TBL1X: variants seen among roughly 807,000 people sequenced by gnomAD.
TBL1X encodes transducin beta like 1 X-linked, also known as F-box-like/WD repeat-containing protein TBL1X.
Under a neutral mutation model 50.7 loss-of-function variants are expected in TBL1X, and 10 were observed. The observed-to-expected ratio is 0.20, with a 90% CI of 0.12 to 0.33. TBL1X has a LOEUF of 0.33. Ranked by LOEUF, TBL1X falls within the 10% of genes least tolerant of loss-of-function variation. The pLI is 1.00. For synonymous variants in TBL1X, 190 were observed against 214.7 expected (o/e 0.88, Z 1.01); for missense variants, 340 against 504.4 (o/e 0.67, Z 3.12).
At chrX:9,708,156 C>T (rs769431763) in intron 13 of TBL1X, among the ~76,000 whole-genome samples, 1 of 111,686 alleles carries the variant, frequency 9.0e-6, no homozygotes, top group East Asian at 2.8e-4. Flanking sequence ...GTAGGCTGTT[C>T]CCCAGCTGAA....
chrX:9,572,822 T>G (rs1028633548), intron 2 of TBL1X, among the ~76,000 whole-genome samples: 1 of 112,685 alleles, frequency 8.9e-6, no homozygotes, highest in African/African-American at 3.2e-5. Flanking sequence ...AGCAGGATAT[T>G]CATTTGCTAG....
At chrX:9,512,100 C>T (rs2082058876) in intron 2 of TBL1X, among the ~76,000 whole-genome samples, 1 of 111,308 alleles carries the variant, frequency 9.0e-6, no homozygotes, top group Non-Finnish European at 1.9e-5. Context: ...CTCAAGTGAT[C>T]CTCCTGCCTC....
At chrX:9,680,270 C>A (rs1414487453) in intron 5 of TBL1X, among the ~76,000 whole-genome samples, 2 of 112,026 alleles carry the variant, frequency 1.8e-5, no homozygotes, top group Non-Finnish European at 1.9e-5. Flanking sequence ...CTTCCTGTCC[C>A]AGAATGAATA....
chrX:9,680,484 C>T (rs756145728), intron 5 of TBL1X, among the ~76,000 whole-genome samples: 3 of 110,933 alleles, frequency 2.7e-5, no homozygotes, highest in Non-Finnish European at 5.7e-5. Flanking sequence ...AAATGCAGGC[C>T]CAGCCAAATG....
chrX:9,577,230 C>T (rs2082417300), intron 2 of TBL1X, among the ~76,000 whole-genome samples: 1 of 111,622 alleles, frequency 9.0e-6, no homozygotes, highest in South Asian at 3.8e-4. Context: ...CCACATTCGG[C>T]TCTTGGGCAC....
rs761903444 is a variant in TBL1X at position 9,711,780 on chromosome X, A to G, written c.1605+4A>G. The G allele has an allele frequency of 1.9e-5, 22 of 1,188,894 alleles. No individual in the cohort carries two copies. In the South Asian group the frequency reaches 4.1e-4, roughly 22 times the overall value. ...CGTCCATATCTGGAATACTCAGGTA[A>G]GCTCCCGACCCCTACACCAAATCCT... On this transcript the variant is annotated splice_donor_region_variant and intron_variant, in intron 16 of 17. Transcript: ENST00000645353.
chrX:9,491,007 C>G (rs1220181836), intron 1 of TBL1X, among the ~76,000 whole-genome samples: 1 of 108,767 alleles, frequency 9.2e-6, no homozygotes, highest in Non-Finnish European at 1.9e-5. Flanking sequence ...GAGAGGGGAT[C>G]TCACTCTATC....
chrX:9,675,543 A>G (rs1315924021), intron 5 of TBL1X, among the ~76,000 whole-genome samples: 1 of 111,771 alleles, frequency 8.9e-6, no homozygotes, highest in Non-Finnish European at 1.9e-5. Flanking sequence ...TAGGTAAAAG[A>G]GAACAGGGAT....
At chrX:9,473,934 T>C (rs1365911163) in intron 1 of TBL1X, among the ~76,000 whole-genome samples, 2 of 112,639 alleles carry the variant, frequency 1.8e-5, no homozygotes, top group Non-Finnish European at 3.7e-5. Flanking sequence ...TTGTTGATAT[T>C]ACATGTCACG....
intron 12 of TBL1X, among the ~76,000 whole-genome samples, chrX:9,698,958 T>C (rs898954931): frequency 9.0e-6 from 1 of 111,720 alleles, no homozygotes; most frequent in African/African-American, 3.3e-5. Flanking sequence ...TCCCACCTGA[T>C]TCTTCGTGGG....
intron 6 of TBL1X, among the ~76,000 whole-genome samples, chrX:9,687,192 T>TC (rs1396750051): frequency 9.0e-6 from 1 of 110,978 alleles, no homozygotes; most frequent in African/African-American, 3.3e-5. Context: ...TGGAAAGTTT[T>TC]CCATGGTAAA....
At chrX:9,503,283 C>T (rs1167574770) in intron 2 of TBL1X, among the ~76,000 whole-genome samples, 1 of 112,776 alleles carries the variant, frequency 8.9e-6, no homozygotes, top group Non-Finnish European at 1.9e-5. Flanking sequence ...AACTGCTTTT[C>T]CACAGAACTG....
intron 2 of TBL1X, among the ~76,000 whole-genome samples, chrX:9,611,551 A>G (rs982630114): frequency 8.9e-6 from 1 of 112,352 alleles, no homozygotes; most frequent in Non-Finnish European, 1.9e-5. Context: ...CAATGCTTGT[A>G]AGGGGCAGGA....
At chrX:9,703,705 G>C (rs2083189447) in intron 12 of TBL1X, among the ~76,000 whole-genome samples, 1 of 112,170 alleles carries the variant, frequency 8.9e-6, no homozygotes, top group African/African-American at 3.2e-5. Context: ...CCCTGTCCCG[G>C]GCACTGCTGA....
intron 2 of TBL1X, among the ~76,000 whole-genome samples, chrX:9,623,397 A>G (rs1326198879): frequency 9.0e-6 from 1 of 111,383 alleles, no homozygotes; most frequent in Non-Finnish European, 1.9e-5. Context: ...TTCGAGAACA[A>G]ATTTGCAGGC....
intron 2 of TBL1X, among the ~76,000 whole-genome samples, chrX:9,531,736 T>C (rs919405688): frequency 3.3e-4 from 35 of 105,837 alleles, no homozygotes; most frequent in Non-Finnish European, 5.8e-5. Context: ...GAGAGGCTCT[T>C]TTTTTTTTCT....
At chrX:9,591,628 A>G (rs937786249) in intron 2 of TBL1X, among the ~76,000 whole-genome samples, 1 of 111,918 alleles carries the variant, frequency 8.9e-6, no homozygotes. Context: ...AGAGGGGGGA[A>G]GAGCAAAGCC....
chrX:9,677,568 C>A (rs2083001877), intron 5 of TBL1X, among the ~76,000 whole-genome samples: 1 of 110,781 alleles, frequency 9.0e-6, no homozygotes, highest in African/African-American at 3.3e-5. Context: ...GATATCCCCA[C>A]CCCTTTACTC....
At position 9,705,093 on chromosome X, in the gene TBL1X, C is replaced by T; in HGVS notation, c.1215C>T (p.Val405=). The change falls in exon 13 of 18, where the codon GTC becomes GTT. Residue 405 remains valine, a synonymous_variant. Transcript: ENST00000645353. ...GCAGGCTCGGCTGTGACCGCCCAGTCAAAACCTTCCAGGGACACACAGTAA... is the reference window on the plus strand; with the variant it reads ...GCAGGCTCGGCTGTGACCGCCCAGTTAAAACCTTCCAGGGACACACAGTAA... The part of the protein sequence containing the change: ...HVCRLGCDRP[V]KTFQGHTNEV... The T allele has an allele frequency of 8.2e-7, 1 of 1,212,167 alleles. No individual in the cohort carries two copies. Among genetic ancestry groups the T allele is most frequent in the African/African-American group, 1.7e-5 (1 of 57,951 alleles).
Sources: gnomAD v4.1 joint callset for allele counts (sites outside exome capture counted in the v4.1 genomes callset) on GRCh38, gnomAD v4.1.1 for gene constraint, MANE v1.5 for transcripts, NCBI Gene and HGNC (gene_info 2026-07-23, HGNC 2026-07-21) for gene names.